Variants in FUBP3 observed in about 807,000 individuals in gnomAD.
FUBP3 encodes far upstream element binding protein 3.
A neutral mutation model predicts 85.6 loss-of-function variants in FUBP3; 28 were observed. The observed-to-expected ratio is 0.33, with a 90% CI of 0.24 to 0.45. The LOEUF (loss-of-function observed/expected upper bound fraction) is 0.45. Ranked by LOEUF, FUBP3 falls within the 20% of genes least tolerant of loss-of-function variation. The pLI is 1.00. For missense variants in FUBP3, 583 were observed against 755.1 expected (o/e 0.77, Z 2.67); for synonymous variants, 271 against 271.4 (o/e 1.00, Z 0.01).
intron 2 of FUBP3, among the ~76,000 whole-genome samples, chr9:130,597,707 T>C (rs576175885): frequency 6.6e-6 from 1 of 152,322 alleles, no homozygotes; most frequent in East Asian, 1.9e-4. Flanking sequence ...AGAACTCAAA[T>C]TCTACACGTG....
At chr9:130,583,374 C>T (rs74632304) in intron 1 of FUBP3, among the ~76,000 whole-genome samples, 1 of 152,174 alleles carries the variant, frequency 6.6e-6, no homozygotes, top group Non-Finnish European at 1.5e-5. Flanking sequence ...ACTAGGTTTC[C>T]TTTTAAGAGA....
At chr9:130,609,912 G>C in intron 2 of FUBP3, 42 bp from the exon 3 acceptor site, 1 of 1,509,538 alleles carries the variant, frequency 6.6e-7, no homozygotes, top group Non-Finnish European at 9.2e-7. Flanking sequence ...GTTTATCCGT[G>C]CTAATGCTTT....
At chr9:130,626,919 C>G (rs540655430) in intron 12 of FUBP3, among the ~76,000 whole-genome samples, 48 of 152,294 alleles carry the variant, frequency 3.2e-4, no homozygotes, top group African/African-American at 1.0e-3. Flanking sequence ...TCACTTGTTT[C>G]CCTTACCAGG....
chr9:130,627,362 G>A (rs948267281), intron 12 of FUBP3, among the ~76,000 whole-genome samples: 1 of 152,204 alleles, frequency 6.6e-6, no homozygotes, highest in African/African-American at 2.4e-5. Flanking sequence ...GAAAACAGTC[G>A]TCTCTCCAGA....
intron 1 of FUBP3, among the ~76,000 whole-genome samples, chr9:130,583,539 G>A (rs535801606): frequency 4.6e-5 from 7 of 152,184 alleles, no homozygotes; most frequent in African/African-American, 1.2e-4. Context: ...AGACTGTCTT[G>A]TACATGTCCA....
At position 130,636,050 on chromosome 9, in the gene FUBP3, T is replaced by A. The variant is rs1231465485; in HGVS notation, c.1634T>A (p.Met545Lys). 21 of 1,613,756 alleles carry A rather than the reference T, an allele frequency of 1.3e-5. No individual in the cohort carries two copies. Among genetic ancestry groups the A allele is most frequent in the Non-Finnish European group, 1.8e-5 (21 of 1,179,922 alleles). Reference protein sequence around the residue: ...PQASSPPDYTMAWAEYYRQQV... With the variant: ...PQASSPPDYTKAWAEYYRQQV... Reference sequence around the variant, plus strand: ...GCCAGCTCCCCACCGGACTACACAATGGCCTGGGCAGAATATTACAGACAG... The same window carrying A: ...GCCAGCTCCCCACCGGACTACACAAAGGCCTGGGCAGAATATTACAGACAG... Residue 545 changes from methionine to lysine, a missense_variant, in exon 18 of 19, where the codon ATG becomes AAG. This residue lies in a region of FUBP3 where 404 missense variants were observed against 516.8 expected (regional missense o/e 0.78). Coordinates refer to ENST00000319725, the MANE Select transcript of FUBP3 (RefSeq NM_003934.2).
intron 2 of FUBP3, among the ~76,000 whole-genome samples, chr9:130,596,308 C>T (rs1201069923): frequency 2.0e-5 from 3 of 152,008 alleles, no homozygotes; most frequent in African/African-American, 4.8e-5. Context: ...TCGAGTGAGT[C>T]GGTGTCTTCT....
chr9:130,613,781 T>G (rs1425045586), intron 5 of FUBP3, among the ~76,000 whole-genome samples: 1 of 152,164 alleles, frequency 6.6e-6, no homozygotes, highest in Non-Finnish European at 1.5e-5. Flanking sequence ...ACATGTGGTG[T>G]TAGAAAGTAA....
chr9:130,631,795 CACTG>C, intron 14 of FUBP3, 143 bp from the exon 15 acceptor site: 6 of 812,190 alleles, frequency 7.4e-6, no homozygotes, highest in Non-Finnish European at 1.1e-5. Flanking sequence ...GCCTATCACT[CACTG>C]ACCTCAGCGA....
At chr9:130,586,543 A>G (rs1160460267) in intron 1 of FUBP3, among the ~76,000 whole-genome samples, 1 of 151,770 alleles carries the variant, frequency 6.6e-6, no homozygotes, top group Non-Finnish European at 1.5e-5. Flanking sequence ...CTGCCACCAC[A>G]CCCAGCTAAT....
At chr9:130,606,397 C>CA (rs2119057117) in intron 2 of FUBP3, among the ~76,000 whole-genome samples, 1 of 152,026 alleles carries the variant, frequency 6.6e-6, no homozygotes, top group East Asian at 1.9e-4. Context: ...CACCCCCCCC[C>CA]AACAGACTCA....
intron 1 of FUBP3, among the ~76,000 whole-genome samples, chr9:130,585,471 C>T (rs1348502483): frequency 6.6e-6 from 1 of 152,192 alleles, no homozygotes; most frequent in Non-Finnish European, 1.5e-5. Flanking sequence ...TAAGCCGATG[C>T]ATGACCTTGG....
chr9:130,617,771 G>T, intron 7 of FUBP3, 26 bp from the exon 8 acceptor site: 1 of 1,332,484 alleles, frequency 7.5e-7, no homozygotes, highest in Non-Finnish European at 1.1e-6. Context: ...TATTCATGAG[G>T]CTGTGCTGGT....
Position 130,595,580 on chromosome 9 carries a change from A to G in FUBP3, c.182A>G (p.Asp61Gly), listed in dbSNP as rs1830830188. 6.9e-6 allele frequency: 10 copies of G among 1,442,746 alleles called. No homozygotes were observed. The highest frequency in any genetic ancestry group is 9.8e-6 in the Non-Finnish European group (10 of 1,023,504). The allele number at this position is 1,442,746 out of a possible 1,614,324, so 89.4% of individuals were successfully genotyped here. ...YGYGVQKRPL[D>G]DGVGNQLGAL... ...TACGGAGTACAAAAACGGCCCTTGG[A>G]TGATGGAGGTAAGTTGCCAGAAATA... Residue 61 changes from aspartate (D) to glycine (G), a missense_variant, in exon 2 of 19, where the codon GAT becomes GGT. Asp to Gly is a moderately conservative substitution (Grantham distance 94). Transcript: ENST00000319725.
At chr9:130,598,030 G>C (rs1830955376) in intron 2 of FUBP3, among the ~76,000 whole-genome samples, 1 of 152,176 alleles carries the variant, frequency 6.6e-6, no homozygotes, top group Non-Finnish European at 1.5e-5. Flanking sequence ...AAAAAAATAT[G>C]GTTATCAAAA....
Position 130,579,765 on chromosome 9 carries a change from G to T in FUBP3, c.84+1G>T, listed in dbSNP as rs13302548. The stretch of plus-strand genomic sequence containing the variant: ...GGATGCCCTGCACCGGGTCCGGCAG[G>T]TACGGGCGCAGCCGGCTGGCAGGAG... On this transcript the variant is annotated splice_donor_variant, in intron 1 of 18. Coordinates refer to ENST00000319725, the MANE Select transcript of FUBP3 (RefSeq NM_003934.2). LOFTEE classifies it high-confidence loss of function. The T allele has an allele frequency of 7.8e-7, 1 of 1,276,956 alleles. No individual in the cohort carries two copies. Among genetic ancestry groups the T allele is most frequent in the Non-Finnish European group, 9.9e-7 (1 of 1,009,276 alleles). 79.1% of individuals were successfully genotyped at this position (1,276,956 alleles called of 1,614,324 possible). A position where few individuals can be genotyped will look rare whatever the true frequency, so the allele number is the denominator to read the frequency against.
At chr9:130,604,901 A>C (rs1012604270) in intron 2 of FUBP3, among the ~76,000 whole-genome samples, 18 of 142,078 alleles carry the variant, frequency 1.3e-4, no homozygotes, top group African/African-American at 4.4e-4. Flanking sequence ...TGTCTCAAAC[A>C]AAAAAAAAAA....
Position 130,587,216 on chromosome 9 carries a change from C to T in FUBP3, c.84+7452C>T, listed in dbSNP as rs114465015. ...AGTAGCTGGGACTGCAGGCGTGCACCATCACGCCTAGCTAATTTTTGTATT... is the reference window on the plus strand; with the variant it reads ...AGTAGCTGGGACTGCAGGCGTGCACTATCACGCCTAGCTAATTTTTGTATT... On this transcript the variant is annotated intron_variant, in intron 1 of 18. Coordinates refer to ENST00000319725, the MANE Select transcript of FUBP3 (RefSeq NM_003934.2). 3.3e-3 allele frequency among the ~76,000 whole-genome samples: 503 copies of T among 152,084 alleles called. 4 individuals carry two copies. Among genetic ancestry groups the T allele is most frequent in the African/African-American group, 0.011 (474 of 41,476 alleles).
rs556814008 is a variant in FUBP3, at chr9:130,616,692, C to T, written c.567+175C>T. ...AGCTTCTGAACATACACCACGGCCACGTCTGATGCCAAATATGATGCCAAG... is the reference window on the plus strand; with the variant it reads ...AGCTTCTGAACATACACCACGGCCATGTCTGATGCCAAATATGATGCCAAG... On this transcript the variant is annotated intron_variant, in intron 7 of 18. Coordinates refer to ENST00000319725, the MANE Select transcript of FUBP3 (RefSeq NM_003934.2). This position sits in a 1 kb window ranked among gnomAD's most constrained non-coding sequence, Gnocchi z 4.7. 2.4e-4 allele frequency among the ~76,000 whole-genome samples: 36 copies of T among 152,348 alleles called. No homozygotes were observed. Among genetic ancestry groups the T allele is most frequent in the Non-Finnish European group, 4.9e-4 (33 of 68,034 alleles).
Sources: allele counts gnomAD v4.1 joint callset (sites outside exome capture counted in the v4.1 genomes callset), GRCh38; gene constraint gnomAD v4.1.1; regional missense constraint gnomAD v4.1.1; non-coding constraint Gnocchi (gnomAD v3.1); transcripts MANE v1.5; gene names NCBI Gene and HGNC (gene_info 2026-07-23, HGNC 2026-07-21).